Variants in RORA observed in about 807,000 individuals in gnomAD.
RORA encodes the protein nuclear receptor ROR-alpha.
In RORA, 7 loss-of-function variants were observed where a neutral mutation model predicts 69.5. The observed-to-expected ratio is 0.10, with a 90% CI of 0.06 to 0.19. The LOEUF (loss-of-function observed/expected upper bound fraction) is 0.19, where lower values mean the gene tolerates loss of function less well. Ranked by LOEUF, RORA falls within the 10% of genes least tolerant of loss-of-function variation. RORA has a pLI of 1.00. For synonymous variants in RORA, 261 were observed against 240.8 expected (o/e 1.08, Z -0.78); for missense variants, 457 against 663.0 (o/e 0.69, Z 3.41).
intron 1 of RORA, among the ~76,000 whole-genome samples, chr15:61,120,190 T>C (rs2079089397): frequency 1.3e-5 from 2 of 152,166 alleles, no homozygotes; most frequent in Non-Finnish European, 2.9e-5. Flanking sequence ...TAGACAGATG[T>C]ATTTCTATGT....
At chr15:60,945,199 T>A (rs1423038898) in intron 1 of RORA, among the ~76,000 whole-genome samples, 1 of 152,170 alleles carries the variant, frequency 6.6e-6, no homozygotes, top group Non-Finnish European at 1.5e-5. Flanking sequence ...TCCAAACTCA[T>A]GATCACATAA....
chr15:61,045,768 T>A (rs1215764768), intron 1 of RORA, among the ~76,000 whole-genome samples: 2 of 152,220 alleles, frequency 1.3e-5, no homozygotes, highest in Non-Finnish European at 2.9e-5. Context: ...CCTACATCCC[T>A]ACTCCCCATT....
At chr15:60,876,200 A>G (rs1323711607) in intron 1 of RORA, among the ~76,000 whole-genome samples, 1 of 152,022 alleles carries the variant, frequency 6.6e-6, no homozygotes, top group African/African-American at 2.4e-5. Context: ...TGAATGTGAC[A>G]GCTAGAGTAC....
At chr15:61,075,291 C>G (rs1039317114) in intron 1 of RORA, among the ~76,000 whole-genome samples, 1 of 152,046 alleles carries the variant, frequency 6.6e-6, no homozygotes, top group Non-Finnish European at 1.5e-5. Context: ...AGGAGGCTCT[C>G]TCCATCAGAC....
chr15:61,018,117 G>A (rs1895368442), intron 1 of RORA, among the ~76,000 whole-genome samples: 1 of 152,138 alleles, frequency 6.6e-6, no homozygotes, highest in African/African-American at 2.4e-5. Context: ...GTGATACTTT[G>A]TTAGCCCCTT....
intron 3 of RORA, among the ~76,000 whole-genome samples, chr15:60,525,535 C>G (rs1456965432): frequency 6.6e-6 from 1 of 152,220 alleles, no homozygotes; most frequent in Admixed American, 6.5e-5. Context: ...TGTTTAATTA[C>G]AAGAAAACAG....
intron 1 of RORA, among the ~76,000 whole-genome samples, chr15:61,012,541 G>C (rs547540533): frequency 1.3e-5 from 2 of 152,210 alleles, no homozygotes; most frequent in Non-Finnish European, 2.9e-5. Flanking sequence ...GTCTCAGAAA[G>C]ATTCTTAAGC....
intron 2 of RORA, among the ~76,000 whole-genome samples, chr15:60,631,578 T>C (rs1165631085): frequency 2.0e-5 from 3 of 152,174 alleles, no homozygotes; most frequent in Non-Finnish European, 4.4e-5. Flanking sequence ...ATTATTACTT[T>C]TGTTTTGCAG....
chr15:60,585,947 G>C (rs1235224941), intron 2 of RORA, among the ~76,000 whole-genome samples: 1 of 152,094 alleles, frequency 6.6e-6, no homozygotes, highest in Non-Finnish European at 1.5e-5. Flanking sequence ...CACCATTATG[G>C]GTTTAGCCGT....
chr15:60,624,479 T>TAC (rs1446786162), intron 2 of RORA, among the ~76,000 whole-genome samples: 1 of 120,348 alleles, frequency 8.3e-6, no homozygotes, highest in Non-Finnish European at 1.7e-5. Context: ...TGCATATATA[T>TAC]ATATATATAT....
chr15:60,592,483 G>T, intron 2 of RORA: 1 of 1,341,748 alleles, frequency 7.5e-7, no homozygotes, highest in Non-Finnish European at 9.6e-7. Context: ...CTCTGCCGCC[G>T]CCGCGCCGCC....
chr15:60,904,894 T>C (rs772992878), intron 1 of RORA, among the ~76,000 whole-genome samples: 5 of 152,124 alleles, frequency 3.3e-5, no homozygotes, highest in African/African-American at 7.2e-5. Flanking sequence ...AAGACATTGA[T>C]ACAGCTCAGA....
chr15:61,100,539 G>A (rs561753655), intron 1 of RORA, among the ~76,000 whole-genome samples: 6 of 152,298 alleles, frequency 3.9e-5, no homozygotes, highest in African/African-American at 1.4e-4. Flanking sequence ...GGGCTCCAGG[G>A]CTATCTGTGG....
intron 1 of RORA, among the ~76,000 whole-genome samples, chr15:60,973,725 G>A (rs149177063): frequency 6.6e-6 from 1 of 152,188 alleles, no homozygotes; most frequent in Non-Finnish European, 1.5e-5. Flanking sequence ...GCCTCAAGAA[G>A]AACAAAGAGA....
At chr15:60,976,457 C>G (rs941225961) in intron 1 of RORA, among the ~76,000 whole-genome samples, 2 of 152,178 alleles carry the variant, frequency 1.3e-5, no homozygotes, top group African/African-American at 4.8e-5. Context: ...ATACAGCATA[C>G]TGAAGATGGA....
rs777000968 is a variant in RORA at position 61,229,204 on chromosome 15, C to G, written c.15G>C (p.Pro5=). The part of the protein sequence containing the change: MESA[P]AAPDPAASEP... ...CGCTGGCGGCGGGGTCGGGGGCTGC[C>G]GGAGCTGACTCCATGTTTTTTCCCA... The change falls in exon 1 of 11, where the codon CCG becomes CCC. Residue 5 remains proline (P), a synonymous_variant. Coordinates refer to ENST00000335670, the MANE Select transcript of RORA (RefSeq NM_134261.3). 5 of 1,504,522 alleles carry G rather than the reference C, an allele frequency of 3.3e-6. No individual in the cohort carries two copies. The highest frequency in any genetic ancestry group is 2.4e-4 in the Middle Eastern group (1 of 4,124). The allele number at this position is 1,504,522 out of a possible 1,614,324, so 93.2% of individuals were successfully genotyped here.
intron 1 of RORA, among the ~76,000 whole-genome samples, chr15:60,793,936 G>C (rs768913336): frequency 1.2e-4 from 19 of 152,184 alleles, no homozygotes; most frequent in Admixed American, 2.6e-4. Context: ...AGCAAGCAGT[G>C]GGAAGTTCCT....
rs188207974 is a variant in RORA, at chr15:60,556,892, G to A, written c.197-25041C>T. On this transcript the variant is annotated intron_variant, in intron 2 of 10. Coordinates refer to ENST00000335670, the MANE Select transcript of RORA (RefSeq NM_134261.3). ...GTTTGTACTTCCTTATCTTCCTTTTGTGAATATGGTGGCTTGCCATTCTGC... is the reference window on the plus strand; with the variant it reads ...GTTTGTACTTCCTTATCTTCCTTTTATGAATATGGTGGCTTGCCATTCTGC... 8.1e-6 allele frequency: 13 copies of A among 1,613,566 alleles called. No homozygotes were observed. The Admixed American group carries it at 2.0e-4, about 25-fold the overall frequency.
chr15:61,088,416 G>T (rs750721395), intron 1 of RORA, among the ~76,000 whole-genome samples: 2 of 152,206 alleles, frequency 1.3e-5, no homozygotes, highest in Non-Finnish European at 2.9e-5. Flanking sequence ...CAAGAAACGG[G>T]ATGATTTGTT....
Sources: gnomAD v4.1 joint callset for allele counts (sites outside exome capture counted in the v4.1 genomes callset) on GRCh38, gnomAD v4.1.1 for gene constraint, MANE v1.5 for transcripts, NCBI Gene and HGNC (gene_info 2026-07-23, HGNC 2026-07-21) for gene names.